BUB3: variants seen among roughly 807,000 people sequenced by gnomAD.
The protein encoded by BUB3 is mitotic checkpoint protein BUB3.
A neutral mutation model predicts 39.9 loss-of-function variants in BUB3; 22 were observed. That is an observed-to-expected ratio of 0.55 (90% CI 0.39 to 0.79). The LOEUF (loss-of-function observed/expected upper bound fraction) is 0.79. Among genes scored for constraint, BUB3 ranks in the 30% least tolerant of loss-of-function variants. BUB3 has a pLI of 0.00. For synonymous variants in BUB3, 168 were observed against 155.1 expected, an observed-to-expected ratio of 1.08 and a Z score of -0.62; for missense variants, 303 against 415.4, an observed-to-expected ratio of 0.73 and a Z score of 2.35.
chr10:123,162,087 G>A (rs1331421492), intron 5 of BUB3, 149 bp from the exon 6 acceptor site: 2 of 700,492 alleles, frequency 2.9e-6, no homozygotes, highest in South Asian at 4.2e-5. Context: ...TCATAACCAT[G>A]TTAGTACAGC....
Position 123,166,653 on chromosome 10 carries a change from A to G in BUB3, c.*2818A>G, listed in dbSNP as rs919424011. ...TTCCTGTTGCTCATAGTCACCCTTCAGTGATTTCATAAGGAGGTGTGCTGC... is the reference window on the plus strand; with the variant it reads ...TTCCTGTTGCTCATAGTCACCCTTCGGTGATTTCATAAGGAGGTGTGCTGC... On this transcript the variant is annotated 3_prime_UTR_variant, in exon 8 of 8. Transcript: ENST00000368865. 2.0e-5 allele frequency: 3 copies of G among 152,156 alleles called. No homozygotes were observed. The highest frequency in any genetic ancestry group is 4.4e-5 in the Non-Finnish European group (3 of 68,030). The allele number at this position is 152,156 out of a possible 1,614,324, so 9.4% of individuals were successfully genotyped here.
Position 123,163,824 on chromosome 10 carries a change from C to A in BUB3, c.976C>A (p.Pro326Thr), listed in dbSNP as rs1420655299. The change falls in exon 8 of 8, where the codon CCA becomes ACA. Residue 326 changes from proline (P) to threonine (T), a missense_variant. Transcript: ENST00000368865. ...TTTTTTCTTTTGAACTTGTAGGTCA[C>A]CATGTACTTGACAAGATTTCATTTA... ...VTDAETKPKS[P>T]CT is the part of the protein sequence containing the mutation. 1 of 1,608,020 alleles carries A rather than the reference C, an allele frequency of 6.2e-7. No homozygotes were observed. Among genetic ancestry groups the A allele is most frequent in the Admixed American group, 1.7e-5 (1 of 59,678 alleles).
intron 2 of BUB3, among the ~76,000 whole-genome samples, 159 bp downstream of exon 2, chr10:123,155,271 T>C (rs1322287071): frequency 6.6e-6 from 1 of 152,196 alleles, no homozygotes. Flanking sequence ...CCTGTACCGT[T>C]TTGGGTTGGA....
At chr10:123,160,318 T>A in intron 4 of BUB3, 89 bp from the exon 5 acceptor site, 1 of 1,222,410 alleles carries the variant, frequency 8.2e-7, no homozygotes, top group Non-Finnish European at 1.1e-6. Flanking sequence ...TTTTTTATGG[T>A]CTTATGATCA....
At position 123,154,415 on chromosome 10, in the gene BUB3, G is replaced by A. The variant is rs560848987; in HGVS notation, c.-71G>A. 1.3e-5 allele frequency: 2 copies of A among 155,292 alleles called. No homozygotes were observed. The highest frequency in any genetic ancestry group is 6.5e-5 in the Admixed American group (1 of 15,350). The allele number at this position is 155,292 out of a possible 1,614,324, so 9.6% of individuals were successfully genotyped here. On this transcript the variant is annotated 5_prime_UTR_variant, in exon 1 of 8. Coordinates refer to ENST00000368865, the MANE Select transcript of BUB3 (RefSeq NM_004725.4). Reference sequence around the variant, plus strand: ...CGCCTAGCCTGCGAGTGTTCTGAGGGAAGCAAGGAGGCGGCGGCGGCCGCA... The same window carrying A: ...CGCCTAGCCTGCGAGTGTTCTGAGGAAAGCAAGGAGGCGGCGGCGGCCGCA...
chr10:123,156,667 C>T (rs912752705), intron 3 of BUB3, among the ~76,000 whole-genome samples: 8 of 151,936 alleles, frequency 5.3e-5, no homozygotes, highest in South Asian at 2.1e-4. Flanking sequence ...GCAAACGTCT[C>T]GATTTTCAGT....
In BUB3 at chr10:123,168,588, G is replaced by T. The variant is rs1844516768; in HGVS notation, c.*4753G>T. ...TTTCGAGACACAGTCTCGTTCTGTC[G>T]CCCAGGCTGGAGTGCAAGTGGCGCG... On this transcript the variant is annotated 3_prime_UTR_variant, in exon 8 of 8. Transcript: ENST00000368865. 1.3e-5 allele frequency: 2 copies of T among 151,646 alleles called. No homozygotes were observed. Among genetic ancestry groups the T allele is most frequent in the African/African-American group, 2.4e-5 (1 of 41,260 alleles). 9.4% of individuals were successfully genotyped at this position (151,646 alleles called of 1,614,324 possible). A position where few individuals can be genotyped will look rare whatever the true frequency, so the allele number is the denominator to read the frequency against.
At position 123,160,580 on chromosome 10, in the gene BUB3, C is replaced by G; in HGVS notation, c.576+15C>G. 1 of 1,528,888 alleles carries G rather than the reference C, an allele frequency of 6.5e-7. No individual in the cohort carries two copies. The highest frequency in any genetic ancestry group is 8.8e-7 in the Non-Finnish European group (1 of 1,139,324). 94.7% of individuals were successfully genotyped at this position (1,528,888 alleles called of 1,614,324 possible). On this transcript the variant is annotated intron_variant, in intron 5 of 7. Coordinates refer to ENST00000368865, the MANE Select transcript of BUB3 (RefSeq NM_004725.4). ...CAAACAAGCAGGTATTGAACTATACCTCCTCTTCTTTCTGGAATTTGAAAA... is the reference window on the plus strand; with the variant it reads ...CAAACAAGCAGGTATTGAACTATACGTCCTCTTCTTTCTGGAATTTGAAAA...
chr10:123,163,447 A>T (rs1844450069), intron 7 of BUB3, among the ~76,000 whole-genome samples: 1 of 152,230 alleles, frequency 6.6e-6, no homozygotes, highest in Non-Finnish European at 1.5e-5. Context: ...GAAATCTGAT[A>T]CTTCAGCATG....
intron 4 of BUB3, among the ~76,000 whole-genome samples, chr10:123,160,180 T>G (rs1228484455): frequency 6.6e-6 from 1 of 152,200 alleles, no homozygotes. Context: ...TTACTTAGAA[T>G]GTACATTATA....
At chr10:123,157,989 G>A in intron 4 of BUB3, 109 bp downstream of exon 4, 1 of 1,204,264 alleles carries the variant, frequency 8.3e-7, no homozygotes, top group Non-Finnish European at 1.1e-6. Flanking sequence ...AGTCAACATG[G>A]GGGGAAAAAA....
chr10:123,163,378 A>AT (rs1564784359), intron 7 of BUB3: 2 of 164,412 alleles, frequency 1.2e-5, no homozygotes, highest in African/African-American at 4.8e-5. Flanking sequence ...AGCCATTTAC[A>AT]TTTTTTGATA....
In BUB3 at chr10:123,163,954, C is replaced by T. The variant is rs1408421212; in HGVS notation, c.*119C>T. On this transcript the variant is annotated 3_prime_UTR_variant, in exon 8 of 8. Coordinates refer to ENST00000368865, the MANE Select transcript of BUB3 (RefSeq NM_004725.4). The stretch of plus-strand genomic sequence containing the variant: ...AATATTAATTTTAATATTATAACAA[C>T]CTGAAAATAATGGAAAAGAGGTTTT... The T allele has an allele frequency of 3.8e-6, 5 of 1,322,280 alleles. No homozygotes were observed. Among genetic ancestry groups the T allele is most frequent in the Non-Finnish European group, 4.9e-6 (5 of 1,018,042 alleles). The allele number at this position is 1,322,280 out of a possible 1,614,324, so 81.9% of individuals were successfully genotyped here. A position where few individuals can be genotyped will look rare whatever the true frequency, so the allele number is the denominator to read the frequency against.
At chr10:123,154,723 T>C in intron 1 of BUB3, 195 bp from the exon 2 acceptor site, 1 of 588,946 alleles carries the variant, frequency 1.7e-6, no homozygotes, top group Non-Finnish European at 2.9e-6. Flanking sequence ...GCTGGGCCGG[T>C]TTGGGCGCGG....
chr10:123,155,827 A>G (rs2133564986), intron 3 of BUB3, 100 bp downstream of exon 3: 1 of 1,089,084 alleles, frequency 9.2e-7, no homozygotes, highest in Non-Finnish European at 1.4e-6. Context: ...TTAGTTACTA[A>G]GTTGCTTAAG....
At chr10:123,157,669 T>C in intron 3 of BUB3, 60 bp from the exon 4 acceptor site, 5 of 1,473,418 alleles carry the variant, frequency 3.4e-6, no homozygotes, top group Non-Finnish European at 4.5e-6. Flanking sequence ...ATTTTAGGAA[T>C]CTTTAGTAAA....
chr10:123,157,642 GT>G, intron 3 of BUB3, 86 bp from the exon 4 acceptor site: 1 of 1,429,694 alleles, frequency 7.0e-7, no homozygotes, highest in East Asian at 2.4e-5. Context: ...TTGAATGAAT[GT>G]TTCTTTTAAT....
At position 123,166,009 on chromosome 10, in the gene BUB3, G is replaced by C. The variant is rs946774469; in HGVS notation, c.*2174G>C. 8 of 152,180 alleles carry C rather than the reference G, an allele frequency of 5.3e-5. No individual in the cohort carries two copies. Among genetic ancestry groups the C allele is most frequent in the Non-Finnish European group, 1.2e-4 (8 of 68,060 alleles). The allele number at this position is 152,180 out of a possible 1,614,324, so 9.4% of individuals were successfully genotyped here. ...TGGACTTGTTTTTGAGGTGGTGAGG[G>C]AGGGCTTATTTTGTGGTTCCATCTG... On this transcript the variant is annotated 3_prime_UTR_variant, in exon 8 of 8. Coordinates refer to ENST00000368865, the MANE Select transcript of BUB3 (RefSeq NM_004725.4).
rs1033010918 is a variant in BUB3 at position 123,169,451 on chromosome 10, A to G, written c.*5616A>G. 6.6e-6 allele frequency: 1 copy of G among 152,246 alleles called. No homozygotes were observed. The highest frequency in any genetic ancestry group is 1.5e-5 in the Non-Finnish European group (1 of 68,044). The allele number at this position is 152,246 out of a possible 1,614,324, so 9.4% of individuals were successfully genotyped here. On this transcript the variant is annotated 3_prime_UTR_variant, in exon 8 of 8. Transcript: ENST00000368865. The stretch of plus-strand genomic sequence containing the variant: ...CTGTGACAGATGCTGTGATACCACA[A>G]CGTGGCCACATTTTGTTTTCAAGAC...
Sources: gnomAD v4.1 joint callset for allele counts (sites outside exome capture counted in the v4.1 genomes callset) on GRCh38, gnomAD v4.1.1 for gene constraint, MANE v1.5 for transcripts, NCBI Gene and HGNC (gene_info 2026-07-23, HGNC 2026-07-21) for gene names.